Variants in SNAP47 observed in about 807,000 individuals in gnomAD.
The protein encoded by SNAP47 is synaptosomal-associated protein 47.
A neutral mutation model predicts 31.4 loss-of-function variants in SNAP47; 20 were observed. That is an observed-to-expected ratio of 0.64 (90% confidence interval 0.45 to 0.93). The LOEUF (loss-of-function observed/expected upper bound fraction) is 0.93. SNAP47 is among the 40% of genes least tolerant of loss of function. SNAP47 has a pLI of 0.00. For missense variants in SNAP47, 492 were observed against 528.5 expected, an observed-to-expected ratio of 0.93 and a Z score of 0.68; for synonymous variants, 194 against 213.4, an observed-to-expected ratio of 0.91 and a Z score of 0.79.
At position 227,764,328 on chromosome 1, in the gene SNAP47, G is replaced by A. The variant is rs141147770; in HGVS notation, c.989-2631G>A. ...AGCAGAAACATCCATGGCTTGAGGC[G>A]TAAGAATTCTGTCCAGCCTTCTGAG... On this transcript the variant is annotated intron_variant, in intron 3 of 4. Transcript: ENST00000617596. Among the ~76,000 whole-genome samples, 1,516 of 152,328 alleles carry A rather than the reference G, an allele frequency of 1.0e-2. 17 individuals carry two copies. Among genetic ancestry groups the A allele is most frequent in the African/African-American group, 0.032 (1,313 of 41,570 alleles).
chr1:227,734,076 C>T (rs568445653), upstream of SNAP47: 49 of 1,596,912 alleles, frequency 3.1e-5, no homozygotes, highest in South Asian at 5.1e-4. Context: ...ACGTGAGGCA[C>T]GAGGAGACTA....
At chr1:227,732,481 GGA>G, upstream of SNAP47, 3 of 1,613,338 alleles carry the variant, frequency 1.9e-6, no homozygotes, top group Non-Finnish European at 2.5e-6. Flanking sequence ...TCCACTCTCT[GGA>G]AGTCGGGGTG....
At chr1:227,777,098 G>T (rs1664204963) in intron 4 of SNAP47, 1 of 922,628 alleles carries the variant, frequency 1.1e-6, no homozygotes, top group Non-Finnish European at 1.3e-6. Context: ...GCATGAATTT[G>T]ATGTCTTTTT....
intron 4 of SNAP47, among the ~76,000 whole-genome samples, chr1:227,769,568 A>T (rs944154467): frequency 6.6e-6 from 1 of 152,124 alleles, no homozygotes; most frequent in Non-Finnish European, 1.5e-5. Context: ...TAAAGCCATC[A>T]TGCTGAAACG....
intron 2 of SNAP47, among the ~76,000 whole-genome samples, chr1:227,751,484 C>T (rs528338946): frequency 9.2e-5 from 14 of 152,308 alleles, no homozygotes; most frequent in South Asian, 6.2e-4. Context: ...AGTTCTTTCC[C>T]GCCAGGCAGG....
rs1400611658 is a variant in SNAP47 at position 227,762,152 on chromosome 1, A to C, written c.988+2667A>C. 6.6e-6 allele frequency among the ~76,000 whole-genome samples: 1 copy of C among 152,200 alleles called. No individual in the cohort carries two copies. Among genetic ancestry groups the C allele is most frequent in the Non-Finnish European group, 1.5e-5 (1 of 68,040 alleles). ...TGGCACACACAGCACACAGTCCCAC[A>C]GGGACCTGCTGCATGTGTGAGATGG... is the stretch of plus-strand genomic sequence containing the variant. On this transcript the variant is annotated intron_variant, in intron 3 of 4. Transcript: ENST00000617596. This position sits in a 1 kb window ranked among gnomAD's most constrained non-coding sequence, Gnocchi z 4.2.
At chr1:227,775,691 C>A in intron 4 of SNAP47, 1 of 1,214,014 alleles carries the variant, frequency 8.2e-7, no homozygotes, top group Non-Finnish European at 1.1e-6. Context: ...GGTGGGCCCA[C>A]CCTACTTCAT....
chr1:227,767,510 T>C (rs954236121), intron 4 of SNAP47, among the ~76,000 whole-genome samples: 3 of 152,016 alleles, frequency 2.0e-5, no homozygotes, highest in African/African-American at 7.3e-5. Context: ...ACTTGTACTG[T>C]GTATGTGCAT....
At chr1:227,736,462 C>T (rs189234145) in intron 1 of SNAP47, 142 of 142,968 alleles carry the variant, frequency 9.9e-4, no homozygotes, top group African/African-American at 3.6e-3. Context: ...AGTTGGGATA[C>T]CAAAGAAAGA....
At chr1:227,735,416 G>A (rs751779799), upstream of SNAP47, 7 of 1,543,808 alleles carry the variant, frequency 4.5e-6, no homozygotes, top group Non-Finnish European at 6.1e-6. Flanking sequence ...ACGCATGCGC[G>A]CGGCTCGCCG....
At chr1:227,777,625 CTA>C (rs1664239516) in intron 4 of SNAP47, among the ~76,000 whole-genome samples, 1 of 152,292 alleles carries the variant, frequency 6.6e-6, no homozygotes, top group South Asian at 2.1e-4. Context: ...AAATGGTACT[CTA>C]TGTCTATTGG....
upstream of SNAP47, chr1:227,733,691 C>G: frequency 1.9e-6 from 3 of 1,599,524 alleles, no homozygotes; most frequent in Non-Finnish European, 2.5e-6. Context: ...CCTGCGGCAG[C>G]AAGAGCGCCT....
chr1:227,741,971 C>A lies in SNAP47; in HGVS notation c.-45-5721C>A, dbSNP rs1010375369. ...GTTTAAAATGTGATAATGAGAAGAGCCTTGGTTATTCATGTCCTAATTTTT... is the reference window on the plus strand; with the variant it reads ...GTTTAAAATGTGATAATGAGAAGAGACTTGGTTATTCATGTCCTAATTTTT... On this transcript the variant is annotated intron_variant, in intron 1 of 4. Coordinates refer to ENST00000617596, the MANE Select transcript of SNAP47 (RefSeq NM_053052.4). This position sits in a 1 kb window ranked among gnomAD's most constrained non-coding sequence, Gnocchi z 4.2. Among the ~76,000 whole-genome samples the A allele has an allele frequency of 6.6e-6, 1 of 151,618 alleles. No individual in the cohort carries two copies. Among genetic ancestry groups the A allele is most frequent in the Non-Finnish European group, 1.5e-5 (1 of 67,874 alleles).
At chr1:227,768,295 A>C (rs1376082948) in intron 4 of SNAP47, 1 of 985,284 alleles carries the variant, frequency 1.0e-6, no homozygotes. Flanking sequence ...GAGACTGTGC[A>C]CTTTGGATCT....
At chr1:227,747,161 G>A (rs1311538535) in intron 1 of SNAP47, 2 of 153,422 alleles carry the variant, frequency 1.3e-5, no homozygotes, top group Non-Finnish European at 2.9e-5. Flanking sequence ...GAAAACGCTT[G>A]TCTGCAGGAT....
chr1:227,767,558 G>GTGTGTGTTA (rs1663506804), intron 4 of SNAP47, among the ~76,000 whole-genome samples: 1 of 151,904 alleles, frequency 6.6e-6, no homozygotes, highest in Non-Finnish European at 1.5e-5. Context: ...TGTGTGTGTT[G>GTGTGTGTTA]TGTGTGTTGT....
chr1:227,752,335 TA>T (rs370458094), intron 2 of SNAP47, among the ~76,000 whole-genome samples: 112 of 152,266 alleles, frequency 7.4e-4, no homozygotes, highest in African/African-American at 2.6e-3. Flanking sequence ...GAGCTGCAGC[TA>T]CCATGTCATT....
chr1:227,769,311 A>G (rs6688900), intron 4 of SNAP47, among the ~76,000 whole-genome samples: 16,575 of 152,204 alleles, frequency 0.11, 1,314 homozygotes, highest in East Asian at 0.38. Flanking sequence ...GGGAGGGCCC[A>G]GGAAGGCCTG....
chr1:227,755,487 ATCAAT>A (rs1662640048), intron 2 of SNAP47, among the ~76,000 whole-genome samples: 1 of 152,108 alleles, frequency 6.6e-6, no homozygotes, highest in South Asian at 2.1e-4. Flanking sequence ...TCCGGGTTCA[ATCAAT>A]TCTCCCACCT....
Sources: allele counts gnomAD v4.1 joint callset (sites outside exome capture counted in the v4.1 genomes callset), GRCh38; gene constraint gnomAD v4.1.1; non-coding constraint Gnocchi (gnomAD v3.1); transcripts MANE v1.5; gene names NCBI Gene and HGNC (gene_info 2026-07-23, HGNC 2026-07-21).